Variants in GABBR2 observed in about 807,000 individuals in gnomAD.
GABBR2 encodes gamma-aminobutyric acid type B receptor subunit 2, also known as G-protein coupled receptor 51.
Under a neutral mutation model 105.6 loss-of-function variants are expected in GABBR2, and 23 were observed. That is an observed-to-expected ratio of 0.22 (90% CI 0.16 to 0.31). GABBR2 has a LOEUF of 0.31. Among genes scored for constraint, GABBR2 ranks in the 10% least tolerant of loss-of-function variants. The pLI is 1.00. For synonymous variants in GABBR2, 478 were observed against 499.7 expected (o/e 0.96, Z 0.58); for missense variants, 734 against 1,245.5 (o/e 0.59, Z 6.18).
intron 1 of GABBR2, among the ~76,000 whole-genome samples, chr9:98,700,214 G>A (rs1229343366): frequency 6.6e-6 from 1 of 152,206 alleles, no homozygotes; most frequent in Non-Finnish European, 1.5e-5. Context: ...AGGGCCAGGT[G>A]TAGTAAGTAG....
chr9:98,518,274 G>A (rs191431709), intron 3 of GABBR2, among the ~76,000 whole-genome samples: 1,975 of 152,288 alleles, frequency 0.013, 34 homozygotes, highest in South Asian at 0.035. Context: ...TCGGACTTCA[G>A]CTCTGAAGAT....
intron 1 of GABBR2, among the ~76,000 whole-genome samples, chr9:98,650,150 G>T (rs4743244): frequency 0.67 from 102,469 of 151,986 alleles, 35,502 homozygotes; most frequent in Middle Eastern, 0.81. Context: ...TTTTTCATGT[G>T]TTTCAGTCCT....
chr9:98,438,072 C>T (rs77579987), intron 7 of GABBR2, among the ~76,000 whole-genome samples: 4,608 of 141,486 alleles, frequency 0.033, 132 homozygotes, highest in East Asian at 0.16. Flanking sequence ...ATCCATCCAC[C>T]TGTCCACACA....
In GABBR2 at chr9:98,303,236, G is replaced by A. The variant is rs373229777; in HGVS notation, c.2412+5C>T. The A allele has an allele frequency of 4.3e-6, 7 of 1,611,022 alleles. No individual in the cohort carries two copies. In the African/African-American group the frequency reaches 5.3e-5, roughly 12 times the overall value. ...GGCCCAGCTACCAGATGCAGAGGGAGGTACCTCTGTGATCTTCATTCGCAG... is the reference window on the plus strand; with the variant it reads ...GGCCCAGCTACCAGATGCAGAGGGAAGTACCTCTGTGATCTTCATTCGCAG... On this transcript the variant is annotated splice_donor_5th_base_variant and intron_variant, in intron 16 of 18. Transcript: ENST00000259455.
At chr9:98,351,123 T>C (rs1461802809) in intron 13 of GABBR2, among the ~76,000 whole-genome samples, 1 of 152,164 alleles carries the variant, frequency 6.6e-6, no homozygotes, top group African/African-American at 2.4e-5. Flanking sequence ...TCTATTTATA[T>C]CTTTTTCAGG....
At chr9:98,556,786 C>T (rs1030357468) in intron 2 of GABBR2, among the ~76,000 whole-genome samples, 22 of 152,312 alleles carry the variant, frequency 1.4e-4, no homozygotes, top group Middle Eastern at 3.4e-3. Flanking sequence ...TGGCTGACGC[C>T]TGAATCCCAG....
intron 7 of GABBR2, among the ~76,000 whole-genome samples, chr9:98,447,403 T>G (rs942533938): frequency 6.6e-6 from 1 of 152,132 alleles, no homozygotes; most frequent in Non-Finnish European, 1.5e-5. Flanking sequence ...ATATCAAATA[T>G]AAGACACCAA....
chr9:98,321,013 A>G (rs893714148), intron 13 of GABBR2, among the ~76,000 whole-genome samples: 4 of 152,130 alleles, frequency 2.6e-5, no homozygotes, highest in African/African-American at 9.7e-5. Flanking sequence ...AATAAAATTC[A>G]GGAACTGCTT....
chr9:98,296,296 C>T (rs149611842), intron 17 of GABBR2, among the ~76,000 whole-genome samples: 2,030 of 152,290 alleles, frequency 0.013, 25 homozygotes, highest in Non-Finnish European at 0.018. Flanking sequence ...GAAGTGGAGG[C>T]TGGACCCTCC....
At chr9:98,603,899 C>T (rs1295478961) in intron 1 of GABBR2, among the ~76,000 whole-genome samples, 1 of 152,184 alleles carries the variant, frequency 6.6e-6, no homozygotes. Context: ...CCCCAAGAAC[C>T]TTCCTACCAA....
At chr9:98,586,196 C>T (rs138216637) in intron 1 of GABBR2, among the ~76,000 whole-genome samples, 226 of 152,236 alleles carry the variant, frequency 1.5e-3, no homozygotes, top group African/African-American at 5.2e-3. Context: ...AAGACCTCTG[C>T]GCCCACACCT....
intron 13 of GABBR2, among the ~76,000 whole-genome samples, chr9:98,326,951 T>C (rs1481415726): frequency 1.3e-5 from 2 of 152,244 alleles, no homozygotes; most frequent in Admixed American, 6.5e-5. Context: ...TACAAAGGTG[T>C]GGGCCTGGGC....
chr9:98,577,884 G>GCAAAAT (rs777125763), intron 2 of GABBR2, 51 bp downstream of exon 2: 1 of 1,552,452 alleles, frequency 6.4e-7, no homozygotes, highest in South Asian at 1.2e-5. Context: ...GCAAAAGACT[G>GCAAAAT]AGGGCCAACC....
chr9:98,488,000 C>A (rs896355873), intron 4 of GABBR2, among the ~76,000 whole-genome samples: 1 of 152,106 alleles, frequency 6.6e-6, no homozygotes, highest in Non-Finnish European at 1.5e-5. Flanking sequence ...ATGGCCGAGG[C>A]AGAGACAGTG....
intron 8 of GABBR2, among the ~76,000 whole-genome samples, chr9:98,403,351 G>A (rs1445464623): frequency 2.6e-5 from 4 of 150,986 alleles, no homozygotes; most frequent in African/African-American, 4.9e-5. Context: ...TTTATTGAAG[G>A]CCCAGCTGTG....
chr9:98,578,194 G>C, intron 1 of GABBR2, 122 bp from the exon 2 acceptor site: 1 of 1,108,726 alleles, frequency 9.0e-7, no homozygotes, highest in Non-Finnish European at 1.3e-6. Flanking sequence ...CCCATGGTGG[G>C]GAGTCTCCTT....
At chr9:98,417,548 A>G (rs1832710455) in intron 7 of GABBR2, among the ~76,000 whole-genome samples, 1 of 152,158 alleles carries the variant, frequency 6.6e-6, no homozygotes, top group Non-Finnish European at 1.5e-5. Flanking sequence ...TGTATTCATA[A>G]TTGTGTTCCT....
At chr9:98,686,349 G>C (rs1407024296) in intron 1 of GABBR2, among the ~76,000 whole-genome samples, 1 of 151,754 alleles carries the variant, frequency 6.6e-6, no homozygotes, top group Non-Finnish European at 1.5e-5. Flanking sequence ...TCTGCACTGG[G>C]GTCTCTTTTC....
At chr9:98,687,669 G>C (rs1830636113) in intron 1 of GABBR2, among the ~76,000 whole-genome samples, 1 of 152,120 alleles carries the variant, frequency 6.6e-6, no homozygotes, top group Non-Finnish European at 1.5e-5. Context: ...CTCTGAGGCT[G>C]CCCACCTTGC....
Sources: allele counts gnomAD v4.1 joint callset (sites outside exome capture counted in the v4.1 genomes callset), GRCh38; gene constraint gnomAD v4.1.1; transcripts MANE v1.5; gene names NCBI Gene and HGNC (gene_info 2026-07-23, HGNC 2026-07-21).